Variants in HERC3 observed in about 807,000 individuals in gnomAD.
HERC3 encodes the protein probable E3 ubiquitin-protein ligase HERC3.
HERC3 carries 58 observed loss-of-function variants against 129.9 expected under a neutral mutation model. That is an observed-to-expected ratio of 0.45 (90% CI 0.36 to 0.56). The LOEUF (loss-of-function observed/expected upper bound fraction) is 0.56. Among genes scored for constraint, HERC3 ranks in the 20% least tolerant of loss-of-function variants. HERC3 has a pLI of 0.00. For missense variants in HERC3, 835 were observed against 1,244.2 expected, an observed-to-expected ratio of 0.67 and a Z score of 4.95; for synonymous variants, 430 against 451.0, an observed-to-expected ratio of 0.95 and a Z score of 0.59.
At chr4:88,690,802 T>A (rs1057279461) in intron 23 of HERC3, 2 of 159,074 alleles carry the variant, frequency 1.3e-5, no homozygotes, top group African/African-American at 4.8e-5. Context: ...TCTCTCCCTG[T>A]CACTCTCACT....
the HERC3 span, among the ~76,000 whole-genome samples, chr4:88,552,400 G>C: frequency 6.8e-3 from 1,037 of 152,132 alleles, 10 homozygotes; most frequent in African/African-American, 0.024. Context: ...TTACAGGCAC[G>C]TGCCACCATG....
the HERC3 span, among the ~76,000 whole-genome samples, chr4:88,540,794 C>T: frequency 1.3e-5 from 2 of 152,148 alleles, no homozygotes; most frequent in East Asian, 3.9e-4. Flanking sequence ...CAATATTCAA[C>T]ATTCTTAAAA....
At chr4:88,557,637 CAGCTCTAGCAA>C in the HERC3 span, among the ~76,000 whole-genome samples, 1 of 151,720 alleles carries the variant, frequency 6.6e-6, no homozygotes, top group South Asian at 2.1e-4. Context: ...GAATAAAGTC[CAGCTCTAGCAA>C]AGCATCCAAG....
chr4:88,568,363 G>A, the HERC3 span, among the ~76,000 whole-genome samples: 4 of 152,040 alleles, frequency 2.6e-5, no homozygotes, highest in African/African-American at 9.7e-5. Context: ...TTCTCTTCAT[G>A]GTGGCAAGCT....
chr4:88,695,161 T>C (rs1202123924), intron 23 of HERC3, among the ~76,000 whole-genome samples: 2 of 152,154 alleles, frequency 1.3e-5, no homozygotes, highest in Admixed American at 6.5e-5. Flanking sequence ...ATCAGAACTT[T>C]GTATGTAACG....
chr4:88,558,075 A>AG, the HERC3 span, among the ~76,000 whole-genome samples: 1 of 135,146 alleles, frequency 7.4e-6, no homozygotes, highest in African/African-American at 3.6e-5. Context: ...CTGACTCAAA[A>AG]AAAAAAAAAA....
At chr4:88,665,855 G>T (rs1020188646) in intron 12 of HERC3, among the ~76,000 whole-genome samples, 6 of 152,120 alleles carry the variant, frequency 3.9e-5, no homozygotes, top group Admixed American at 1.3e-4. Flanking sequence ...TTTCCTCTAG[G>T]GAAAGATATT....
chr4:88,534,912 G>T, the HERC3 span, among the ~76,000 whole-genome samples: 1 of 152,118 alleles, frequency 6.6e-6, no homozygotes, highest in East Asian at 1.9e-4. Context: ...TCCAAAAGAA[G>T]TATTTTTTTG....
At chr4:88,690,295 T>C (rs1029082872) in intron 23 of HERC3, 6 of 983,316 alleles carry the variant, frequency 6.1e-6, no homozygotes, top group African/African-American at 5.2e-5. Flanking sequence ...GTTTTTAGAA[T>C]TGGGAAATTT....
the HERC3 span, among the ~76,000 whole-genome samples, chr4:88,567,970 C>T: frequency 3.3e-5 from 5 of 152,214 alleles, no homozygotes; most frequent in African/African-American, 1.2e-4. Context: ...TTGTTGAGAA[C>T]TAAGTATTTG....
At chr4:88,550,873 G>A in the HERC3 span, among the ~76,000 whole-genome samples, 126 of 152,016 alleles carry the variant, frequency 8.3e-4, no homozygotes, top group Admixed American at 3.0e-3. Context: ...CACGTTACCT[G>A]ACTTCAAACT....
At chr4:88,585,401 T>A in the HERC3 span, among the ~76,000 whole-genome samples, 2 of 152,212 alleles carry the variant, frequency 1.3e-5, no homozygotes, top group African/African-American at 4.8e-5. Context: ...GTGAAGGTGA[T>A]TGGACCATGA....
At chr4:88,679,403 A>G (rs1732512854) in intron 19 of HERC3, among the ~76,000 whole-genome samples, 1 of 152,156 alleles carries the variant, frequency 6.6e-6, no homozygotes. Context: ...TAAATGAAAA[A>G]TCATTTTTTT....
chr4:88,631,634 A>G (rs1268839247), intron 3 of HERC3, among the ~76,000 whole-genome samples: 1 of 152,202 alleles, frequency 6.6e-6, no homozygotes. Flanking sequence ...ATGCTCATGG[A>G]TACTCTCTAC....
the HERC3 span, among the ~76,000 whole-genome samples, chr4:88,569,070 C>T: frequency 6.6e-6 from 1 of 152,136 alleles, no homozygotes. Context: ...CCTAGACTGC[C>T]TTTCAAAGAT....
At chr4:88,621,963 T>G (rs563839559) in intron 3 of HERC3, among the ~76,000 whole-genome samples, 1 of 152,340 alleles carries the variant, frequency 6.6e-6, no homozygotes, top group South Asian at 2.1e-4. Flanking sequence ...CTGTGACACA[T>G]TTTTGTTTTA....
chr4:88,588,668 C>G (rs1384209641), upstream of HERC3, among the ~76,000 whole-genome samples: 1 of 152,022 alleles, frequency 6.6e-6, no homozygotes, highest in Non-Finnish European at 1.5e-5. Context: ...CAAAGTTTAC[C>G]AAGTAAATAT....
the HERC3 span, among the ~76,000 whole-genome samples, chr4:88,540,697 A>T: frequency 2.6e-5 from 4 of 152,346 alleles, no homozygotes; most frequent in African/African-American, 9.6e-5. Context: ...AGCCAGAGAG[A>T]AAGGTCGGGT....
At chr4:88,631,412 G>A (rs1341504215) in intron 3 of HERC3, among the ~76,000 whole-genome samples, 2 of 152,180 alleles carry the variant, frequency 1.3e-5, no homozygotes, top group African/African-American at 2.4e-5. Flanking sequence ...CTGAGATTGT[G>A]CCACTGCACT....
Sources: allele counts gnomAD v4.1 joint callset (sites outside exome capture counted in the v4.1 genomes callset), GRCh38; gene constraint gnomAD v4.1.1; transcripts MANE v1.5; gene names NCBI Gene and HGNC (gene_info 2026-07-23, HGNC 2026-07-21).